The following CEBPZ variants were observed in gnomAD, a reference collection of about 807,000 sequenced individuals.
CEBPZ encodes CCAAT enhancer binding protein zeta, also known as CCAAT/enhancer-binding protein zeta.
Under a neutral mutation model 104.5 loss-of-function variants are expected in CEBPZ, and 78 were observed. The observed-to-expected ratio is 0.75, with a 90% CI of 0.62 to 0.90. CEBPZ has a LOEUF of 0.90. CEBPZ is among the 40% of genes least tolerant of loss of function. CEBPZ has a pLI of 0.00. For synonymous variants in CEBPZ, 470 were observed against 427.0 expected (o/e 1.10, Z -1.24); for missense variants, 1,439 against 1,233.5 (o/e 1.17, Z -2.50).
Position 37,228,094 on chromosome 2 carries a change from T to G in CEBPZ, c.1099A>C (p.Thr367Pro), listed in dbSNP as rs775606349. Residue 367 changes from threonine to proline, a missense_variant, in exon 2 of 16, where the codon ACC (threonine) becomes CCC (proline). Transcript: ENST00000234170. ...TTACAAAGCAGCTCATGAGCCACGG[T>G]AAGGGCTCGAGTTTTAGTGGTTACT... ...TLVTTKTRAL[T>P]VAHELLCNKP... 1 of 1,614,248 alleles carries G rather than the reference T, an allele frequency of 6.2e-7. No individual in the cohort carries two copies. The highest frequency in any genetic ancestry group is 1.1e-5 in the South Asian group (1 of 91,090).
At chr2:37,210,692 CA>C in intron 13 of CEBPZ, 1 of 244,876 alleles carries the variant, frequency 4.1e-6, no homozygotes, top group Non-Finnish European at 8.0e-6. Flanking sequence ...ATGGGTGCAC[CA>C]AAATCTCAGA....
At chr2:37,221,061 T>C (rs1664759117) in intron 4 of CEBPZ, among the ~76,000 whole-genome samples, 1 of 152,198 alleles carries the variant, frequency 6.6e-6, no homozygotes, top group African/African-American at 2.4e-5. Context: ...GGCTCATGCC[T>C]ATAATCCCAG....
At chr2:37,217,331 G>T (rs1664631888) in intron 5 of CEBPZ, among the ~76,000 whole-genome samples, 1 of 152,132 alleles carries the variant, frequency 6.6e-6, no homozygotes, top group South Asian at 2.1e-4. Context: ...GGCCCAGGAG[G>T]TCGAGGCTGC....
chr2:37,208,685 T>G (rs1677618270), intron 13 of CEBPZ, among the ~76,000 whole-genome samples: 1 of 152,048 alleles, frequency 6.6e-6, no homozygotes, highest in Non-Finnish European at 1.5e-5. Flanking sequence ...TAGCCAACAT[T>G]ATACTGAACA....
chr2:37,225,395 T>C (rs1467236292), intron 2 of CEBPZ, among the ~76,000 whole-genome samples: 1 of 151,720 alleles, frequency 6.6e-6, no homozygotes, highest in East Asian at 1.9e-4. Context: ...TCCATTTTGT[T>C]ATGTACTAAG....
intron 13 of CEBPZ, 98 bp downstream of exon 13, chr2:37,210,901 T>G: frequency 2.5e-4 from 131 of 525,120 alleles, no homozygotes; most frequent in East Asian, 5.5e-4. Flanking sequence ...CACCCCTGAA[T>G]TTTATTAATC....
rs1446245516 is a variant in CEBPZ at position 37,227,737 on chromosome 2, G to C, written c.1456C>G (p.Leu486Val). Reference protein sequence around the residue: ...KDVESKMLSALLTGVNRAYPY... With the variant: ...KDVESKMLSAVLTGVNRAYPY... Reference sequence around the variant, plus strand: ...TATGCCCTATTCACACCTGTTAAAAGGGCGCTAAGCATTTTTGATTCAACA... The same window carrying C: ...TATGCCCTATTCACACCTGTTAAAACGGCGCTAAGCATTTTTGATTCAACA... Residue 486 changes from leucine (L) to valine (V), a missense_variant, in exon 2 of 16, where the codon CTT becomes GTT. By Grantham distance (32) the Leu-to-Val change is conservative (BLOSUM62 1). Transcript: ENST00000234170. The C allele has an allele frequency of 6.2e-7, 1 of 1,613,988 alleles. No individual in the cohort carries two copies. Among genetic ancestry groups the C allele is most frequent in the Non-Finnish European group, 8.5e-7 (1 of 1,179,990 alleles).
rs1013405035 is a variant in CEBPZ at position 37,223,215 on chromosome 2, G to A, written c.1836C>T (p.Ile612=). 9.3e-6 allele frequency: 15 copies of A among 1,613,894 alleles called. No homozygotes were observed. In the Admixed American group the frequency reaches 2.5e-4, roughly 27 times the overall value. ...TTCTTAAACCTGGTTTTGCTTTAAG[G>A]ATCTCAGACACAAGATATAAAGCTC... is the stretch of plus-strand genomic sequence containing the variant. ...ICGALYLVSE[I]LKAKPGLRSQ... is the part of the protein sequence containing the mutation. The change falls in exon 3 of 16, where the codon ATC becomes ATT. Residue 612 remains isoleucine, a synonymous_variant. Transcript: ENST00000234170.
intron 13 of CEBPZ, among the ~76,000 whole-genome samples, chr2:37,206,228 C>A (rs1356530416): frequency 2.6e-5 from 4 of 152,202 alleles, no homozygotes; most frequent in Non-Finnish European, 5.9e-5. Flanking sequence ...CGTGTGGCAA[C>A]GTGTTTAGTC....
At chr2:37,217,538 T>A (rs2148355485) in intron 5 of CEBPZ, among the ~76,000 whole-genome samples, 1 of 152,244 alleles carries the variant, frequency 6.6e-6, no homozygotes, top group South Asian at 2.1e-4. Flanking sequence ...ATTCAACAGG[T>A]TTATATCTAC....
Position 37,228,856 on chromosome 2 carries a change from A to C in CEBPZ, c.337T>G (p.Ser113Ala). Reference sequence around the variant, plus strand: ...GGTATTTTTACTTCTTTTTTGCTGGAATTTTCTTTTTCAGCTGGTTCATCT... The same window carrying C: ...GGTATTTTTACTTCTTTTTTGCTGGCATTTTCTTTTTCAGCTGGTTCATCT... Reference protein sequence around the residue: ...EEDEPAEKENSSKKEVKIPKI... With the variant: ...EEDEPAEKENASKKEVKIPKI... Residue 113 changes from serine to alanine, a missense_variant, in exon 2 of 16, where the codon TCC (serine) becomes GCC (alanine). By Grantham distance (99) the Ser-to-Ala change is moderately conservative (BLOSUM62 1). Transcript: ENST00000234170. The C allele has an allele frequency of 1.3e-6, 2 of 1,597,906 alleles. No individual in the cohort carries two copies. Among genetic ancestry groups the C allele is most frequent in the Non-Finnish European group, 8.5e-7 (1 of 1,175,832 alleles).
In CEBPZ at chr2:37,228,670, A is replaced by G; in HGVS notation, c.523T>C (p.Leu175=). Residue 175 remains leucine, a synonymous_variant, in exon 2 of 16, where the codon TTG becomes CTG. Transcript: ENST00000234170. ...CATTTGCCTCCAGGCCTAAGTAACA[A>G]AGTCTGTCTCTCAAAAAATTCAAAG... ...NIFEFFERQT[L]LLRPGGKWYD... is the part of the protein sequence containing the mutation. The G allele has an allele frequency of 6.2e-7, 1 of 1,614,162 alleles. No homozygotes were observed. The highest frequency in any genetic ancestry group is 8.5e-7 in the Non-Finnish European group (1 of 1,180,026).
Position 37,216,341 on chromosome 2 carries a change from T to A in CEBPZ, c.2286A>T (p.Arg762=), listed in dbSNP as rs1221433861. The part of the protein sequence containing the change: ...LMRFLDRFVY[R]NPKPHKGKEN... ...CTTTGCCTTTATGGGGCTTTGGATT[T>A]CGGTATACAAATCGATCCAAAAATC... The change falls in exon 7 of 16, where the codon CGA becomes CGT. Residue 762 remains arginine (R), a synonymous_variant. Coordinates refer to ENST00000234170, the MANE Select transcript of CEBPZ (RefSeq NM_005760.3). 5.0e-6 allele frequency: 8 copies of A among 1,613,712 alleles called. No individual in the cohort carries two copies.
intron 8 of CEBPZ, 52 bp from the exon 9 acceptor site, chr2:37,215,004 T>G: frequency 8.7e-7 from 1 of 1,150,962 alleles, no homozygotes; most frequent in Non-Finnish European, 1.3e-6. Flanking sequence ...CCCCTTTATG[T>G]TACTCAAGCT....
Position 37,228,703 on chromosome 2 carries a change from G to A in CEBPZ, c.490C>T (p.Gln164Ter). The A allele has an allele frequency of 6.2e-7, 1 of 1,614,102 alleles. No individual in the cohort carries two copies. The highest frequency in any genetic ancestry group is 8.5e-7 in the Non-Finnish European group (1 of 1,179,990). The part of the protein sequence containing the change: ...STTPKVKKDK[Q>*]NIFEFFERQT... ...CTCTCAAAAAATTCAAAGATGTTCT[G>A]TTTATCTTTCTTTACTTTCGGTGTG... The change falls in exon 2 of 16, where the codon CAG becomes TAG. Residue 164 changes from glutamine to a stop codon, truncating the protein, a stop_gained. Coordinates refer to ENST00000234170, the MANE Select transcript of CEBPZ (RefSeq NM_005760.3). LOFTEE classifies it high-confidence loss of function.
rs1183060259 is a variant in CEBPZ, at chr2:37,216,206, T to C, written c.2314A>G (p.Asn772Asp). The change falls in exon 8 of 16, where the codon AAC becomes GAC. Residue 772 changes from asparagine (N) to aspartate (D), a missense_variant and splice_region_variant. Transcript: ENST00000234170. ...GGCTGCATCACAACACTATCTGTGT[T>C]TTCTGAAATGTAAAATTATGACAGT... The part of the protein sequence containing the change: ...RNPKPHKGKE[N>D]TDSVVMQPKR... The C allele has an allele frequency of 1.9e-6, 3 of 1,612,438 alleles. No homozygotes were observed. The highest frequency in any genetic ancestry group is 1.7e-4 in the Middle Eastern group (1 of 6,006).
At chr2:37,208,558 T>A (rs897553332) in intron 13 of CEBPZ, among the ~76,000 whole-genome samples, 1 of 152,066 alleles carries the variant, frequency 6.6e-6, no homozygotes, top group South Asian at 2.1e-4. Context: ...ATCATCTCAA[T>A]AGACGCAGAA....
intron 5 of CEBPZ, 31 bp from the exon 6 acceptor site, chr2:37,217,068 T>C (rs768520961): frequency 5.3e-5 from 83 of 1,565,600 alleles, no homozygotes; most frequent in Non-Finnish European, 8.8e-6. Flanking sequence ...AATATCAATA[T>C]TTCTAAGGTC....
chr2:37,224,677 GTC>G (rs759004822), intron 2 of CEBPZ, among the ~76,000 whole-genome samples: 8 of 152,098 alleles, frequency 5.3e-5, no homozygotes, highest in Non-Finnish European at 1.2e-4. Context: ...TTAGAGACAT[GTC>G]TCTATCATTT....
Sources: gnomAD v4.1 joint callset for allele counts (sites outside exome capture counted in the v4.1 genomes callset) on GRCh38, gnomAD v4.1.1 for gene constraint, MANE v1.5 for transcripts, NCBI Gene and HGNC (gene_info 2026-07-23, HGNC 2026-07-21) for gene names.